Variants in SH3BP5 observed in about 807,000 individuals in gnomAD.
SH3BP5 encodes the protein SH3 domain-binding protein 5.
In SH3BP5, 22 loss-of-function variants were observed where a neutral mutation model predicts 43.3. That is an observed-to-expected ratio of 0.51 (90% CI 0.36 to 0.73). The LOEUF is 0.73. SH3BP5 is among the 30% of genes least tolerant of loss of function. The probability of loss-of-function intolerance (pLI) is 0.00; values close to 1 mark genes in which losing one functional copy is unlikely to be tolerated. For missense variants in SH3BP5, 529 were observed against 586.9 expected, an observed-to-expected ratio of 0.90 and a Z score of 1.02; for synonymous variants, 255 against 225.8, an observed-to-expected ratio of 1.13 and a Z score of -1.16.
rs909660509 is a variant in SH3BP5, at chr3:15,332,569, G to A, written c.-161C>T. 5.7e-6 allele frequency: 7 copies of A among 1,227,008 alleles called. No homozygotes were observed. Among genetic ancestry groups the A allele is most frequent in the East Asian group, 3.5e-5 (1 of 28,776 alleles). 76.0% of individuals were successfully genotyped at this position (1,227,008 alleles called of 1,614,324 possible). ...GCAGCTCGCCGATGCGGATACCTCC[G>A]GCCGCGGCGGAGCAGAGGAAATGGG... On this transcript the variant is annotated 5_prime_UTR_variant, in exon 1 of 9. Transcript: ENST00000383791.
chr3:15,331,402 C>T (rs1214680390), intron 1 of SH3BP5, among the ~76,000 whole-genome samples: 1 of 151,984 alleles, frequency 6.6e-6, no homozygotes, highest in Non-Finnish European at 1.5e-5. Context: ...AATTACAGAG[C>T]ATGCTTAAAA....
intron 1 of SH3BP5, among the ~76,000 whole-genome samples, chr3:15,340,427 T>A (rs1386364766): frequency 6.6e-6 from 1 of 152,168 alleles, no homozygotes; most frequent in Non-Finnish European, 1.5e-5. Context: ...TCTGCTCTAG[T>A]GGAGCTTATA....
intron 3 of SH3BP5, among the ~76,000 whole-genome samples, chr3:15,285,990 C>G (rs769086035): frequency 6.6e-6 from 1 of 152,208 alleles, no homozygotes; most frequent in African/African-American, 2.4e-5. Context: ...AAATGAGGGC[C>G]TAATATAAAC....
At chr3:15,268,563 G>A (rs1282541415) in intron 4 of SH3BP5, among the ~76,000 whole-genome samples, 1 of 152,124 alleles carries the variant, frequency 6.6e-6, no homozygotes, top group East Asian at 1.9e-4. Context: ...GGCTGGTGTG[G>A]GGGGATACCA....
chr3:15,297,973 CTTTTTTT>C (rs57568903), intron 3 of SH3BP5, among the ~76,000 whole-genome samples: 4 of 134,878 alleles, frequency 3.0e-5, no homozygotes, highest in African/African-American at 8.0e-5. Flanking sequence ...TTTTCTTTTT[CTTTTTTT>C]TTTTTTTTTT....
chr3:15,263,068 T>A lies in SH3BP5; in HGVS notation c.496-779A>T, dbSNP rs188623483. 2.6e-3 allele frequency among the ~76,000 whole-genome samples: 399 copies of A among 152,334 alleles called. 4 individuals are homozygous for A. Among genetic ancestry groups the A allele is most frequent in the African/African-American group, 9.1e-3 (379 of 41,586 alleles). On this transcript the variant is annotated intron_variant, in intron 4 of 8. Transcript: ENST00000383791. ...AACAGTGGTTTTCTTTTCCTATTTA[T>A]CTATTTTGAAAAAGCCTTGTGAGGA...
chr3:15,272,891 C>A (rs951525096), intron 3 of SH3BP5, among the ~76,000 whole-genome samples: 5 of 152,198 alleles, frequency 3.3e-5, no homozygotes, highest in Non-Finnish European at 5.9e-5. Flanking sequence ...GCCTCAGCTA[C>A]ACAAGGAGAA....
At chr3:15,286,231 T>C (rs1425881765) in intron 3 of SH3BP5, among the ~76,000 whole-genome samples, 1 of 152,164 alleles carries the variant, frequency 6.6e-6, no homozygotes, top group African/African-American at 2.4e-5. Context: ...AGGATGGGAA[T>C]GGCCTAGTGA....
At position 15,257,087 on chromosome 3, in the gene SH3BP5, T is replaced by C; in HGVS notation, c.916A>G (p.Ser306Gly). The change falls in exon 8 of 9, where the codon AGC becomes GGC. Residue 306 changes from serine (S) to glycine (G), a missense_variant. This residue lies in a region of SH3BP5 where 369 missense variants were observed against 384.3 expected (regional missense o/e 0.96). Transcript: ENST00000383791. ...TCTTCAGACACAAAGTTGCTACAGCTGTCATCTTCAAAGGCCTCCGAGGCC... is the reference window on the plus strand; with the variant it reads ...TCTTCAGACACAAAGTTGCTACAGCCGTCATCTTCAAAGGCCTCCGAGGCC... ...SVASEAFEDD[S>G]CSNFVSEDDS... The C allele has an allele frequency of 6.2e-7, 1 of 1,614,160 alleles. No individual in the cohort carries two copies. The highest frequency in any genetic ancestry group is 1.1e-5 in the South Asian group (1 of 91,076).
chr3:15,266,879 C>T (rs1313827871), intron 4 of SH3BP5, among the ~76,000 whole-genome samples: 5 of 152,242 alleles, frequency 3.3e-5, no homozygotes, highest in African/African-American at 1.2e-4. Context: ...TGAGGGGCCG[C>T]ATAGATAATC....
At chr3:15,300,928 C>A (rs1201259302) in intron 3 of SH3BP5, among the ~76,000 whole-genome samples, 2 of 152,140 alleles carry the variant, frequency 1.3e-5, no homozygotes, top group South Asian at 4.1e-4. Context: ...TCATCTGATT[C>A]GACCGATGAC....
intron 3 of SH3BP5, among the ~76,000 whole-genome samples, chr3:15,292,237 A>G (rs1697432882): frequency 6.6e-6 from 1 of 152,250 alleles, no homozygotes; most frequent in African/African-American, 2.4e-5. Context: ...TCATGGTTTC[A>G]GGGAACCAAA....
chr3:15,265,472 C>T (rs187251124), intron 4 of SH3BP5, among the ~76,000 whole-genome samples: 16 of 148,692 alleles, frequency 1.1e-4, no homozygotes, highest in African/African-American at 3.3e-4. Context: ...GCCAAGATCG[C>T]GCCGCTGCAC....
At chr3:15,300,735 G>A (rs1697715410) in intron 3 of SH3BP5, among the ~76,000 whole-genome samples, 1 of 152,092 alleles carries the variant, frequency 6.6e-6, no homozygotes, top group African/African-American at 2.4e-5. Context: ...GGTCCCTTGG[G>A]GTTGAGGGGT....
At chr3:15,297,007 T>C (rs1223558426) in intron 3 of SH3BP5, among the ~76,000 whole-genome samples, 1 of 152,136 alleles carries the variant, frequency 6.6e-6, no homozygotes, top group Admixed American at 6.5e-5. Context: ...ATGGCAGGCT[T>C]TCTACAAACA....
chr3:15,279,222 G>T (rs1282476381), intron 3 of SH3BP5, among the ~76,000 whole-genome samples: 1 of 152,102 alleles, frequency 6.6e-6, no homozygotes, highest in East Asian at 1.9e-4. Context: ...AAACATAGGG[G>T]ACATCATTTT....
upstream of SH3BP5, among the ~76,000 whole-genome samples, chr3:15,334,368 A>C (rs184470262): frequency 1.3e-5 from 2 of 152,290 alleles, no homozygotes; most frequent in East Asian, 3.9e-4. Context: ...CACATGTGTA[A>C]ATTCAACTAA....
At chr3:15,273,140 G>A (rs957073482) in intron 3 of SH3BP5, 1 of 985,292 alleles carries the variant, frequency 1.0e-6, no homozygotes, top group African/African-American at 1.7e-5. Context: ...CCAACTCCAG[G>A]AGACAGGATG....
At chr3:15,337,937 A>AAAG (rs1575363575) in intron 1 of SH3BP5, among the ~76,000 whole-genome samples, 1 of 150,376 alleles carries the variant, frequency 6.6e-6, no homozygotes, top group African/African-American at 2.4e-5. Context: ...AAAAAAAAAA[A>AAAG]GTGCCCCAAA....
Sources: allele counts gnomAD v4.1 joint callset (sites outside exome capture counted in the v4.1 genomes callset), GRCh38; gene constraint gnomAD v4.1.1; regional missense constraint gnomAD v4.1.1; transcripts MANE v1.5; gene names NCBI Gene and HGNC (gene_info 2026-07-23, HGNC 2026-07-21).